The following MRPL1 variants were observed in gnomAD, a reference collection of about 807,000 sequenced individuals.
MRPL1 encodes mitochondrial ribosomal protein L1.
A neutral mutation model predicts 38.0 loss-of-function variants in MRPL1; 28 were observed. That is an observed-to-expected ratio of 0.74 (90% CI 0.55 to 1.01). The LOEUF (loss-of-function observed/expected upper bound fraction) is 1.01. Ranked by LOEUF, MRPL1 falls within the 50% of genes least tolerant of loss-of-function variation. The pLI is 0.00. For synonymous variants in MRPL1, 123 were observed against 126.7 expected (o/e 0.97, Z 0.20); for missense variants, 358 against 389.8 (o/e 0.92, Z 0.69).
rs773138973 is a variant in MRPL1 at position 77,949,799 on chromosome 4, G to A, written c.780G>A (p.Leu260=). The A allele has an allele frequency of 1.5e-4, 235 of 1,590,854 alleles. No individual in the cohort carries two copies. Among genetic ancestry groups the A allele is most frequent in the Non-Finnish European group, 2.0e-4 (228 of 1,161,458 alleles). The stretch of plus-strand genomic sequence containing the variant: ...TTATGTATATTATTTTCTTTCAGTT[G>A]GATATGTCAAGTGACCAGATAGCTG... The part of the protein sequence containing the change: ...ENFLQTKIAT[L]DMSSDQIAAN... Residue 260 remains leucine, a splice_region_variant and synonymous_variant, in exon 8 of 9, where the codon TTG becomes TTA. Coordinates refer to ENST00000315567, the MANE Select transcript of MRPL1 (RefSeq NM_020236.4).
At chr4:77,911,763 C>T (rs1354273313) in intron 7 of MRPL1, among the ~76,000 whole-genome samples, 1 of 152,108 alleles carries the variant, frequency 6.6e-6, no homozygotes, top group East Asian at 1.9e-4. Flanking sequence ...CTAAAACAGT[C>T]AGCATTATTT....
chr4:77,898,988 G>GTT (rs1560465396), intron 6 of MRPL1, among the ~76,000 whole-genome samples: 1 of 140,574 alleles, frequency 7.1e-6, no homozygotes, highest in African/African-American at 2.7e-5. Context: ...CTTATGCACA[G>GTT]ATTTTTTTTT....
chr4:77,925,400 G>A (rs1736692843), intron 7 of MRPL1, among the ~76,000 whole-genome samples: 1 of 149,060 alleles, frequency 6.7e-6, no homozygotes, highest in Non-Finnish European at 1.5e-5. Context: ...CACCCAGTCT[G>A]GAGTGCAGTG....
chr4:77,901,795 A>C (rs1438083458), intron 6 of MRPL1, among the ~76,000 whole-genome samples: 1 of 152,228 alleles, frequency 6.6e-6, no homozygotes, highest in Non-Finnish European at 1.5e-5. Context: ...CTGATAGAAC[A>C]TATAGACAGA....
intron 4 of MRPL1, 70 bp downstream of exon 4, chr4:77,885,409 C>T (rs1392939960): frequency 1.6e-6 from 2 of 1,246,946 alleles, no homozygotes; most frequent in East Asian, 2.4e-5. Context: ...ACTCTGTCAC[C>T]AGTCTGGAGT....
At chr4:77,945,480 T>G (rs1290382468) in intron 7 of MRPL1, among the ~76,000 whole-genome samples, 6 of 151,434 alleles carry the variant, frequency 4.0e-5, no homozygotes, top group Non-Finnish European at 8.8e-5. Context: ...ATGTGATTGT[T>G]TAAAAATCAT....
intron 7 of MRPL1, among the ~76,000 whole-genome samples, chr4:77,933,094 C>T (rs779904984): frequency 4.2e-4 from 64 of 152,220 alleles, no homozygotes; most frequent in Admixed American, 6.5e-4. Context: ...GGACTACATG[C>T]GCTCCACACG....
chr4:77,930,817 C>T (rs1171757191), intron 7 of MRPL1, among the ~76,000 whole-genome samples: 1 of 152,192 alleles, frequency 6.6e-6, no homozygotes, highest in African/African-American at 2.4e-5. Flanking sequence ...CCACTTCCCT[C>T]TGCACCTCTT....
At chr4:77,887,583 T>C (rs187152449) in intron 5 of MRPL1, among the ~76,000 whole-genome samples, 20 of 152,248 alleles carry the variant, frequency 1.3e-4, no homozygotes, top group Non-Finnish European at 2.5e-4. Flanking sequence ...TAGAAGATGG[T>C]GGTGCAATTA....
At chr4:77,889,395 G>A (rs976120479) in intron 5 of MRPL1, among the ~76,000 whole-genome samples, 33 of 152,246 alleles carry the variant, frequency 2.2e-4, no homozygotes, top group African/African-American at 6.5e-4. Context: ...GGTACATAAC[G>A]AAATGAAGGC....
intron 7 of MRPL1, among the ~76,000 whole-genome samples, chr4:77,923,974 C>T (rs1431469524): frequency 6.8e-6 from 1 of 146,280 alleles, no homozygotes; most frequent in Non-Finnish European, 1.5e-5. Context: ...GTGCTCTAGC[C>T]TGGGAGACAG....
chr4:77,863,445 C>G (rs1310557275), intron 1 of MRPL1, among the ~76,000 whole-genome samples: 1 of 142,896 alleles, frequency 7.0e-6, no homozygotes, highest in Non-Finnish European at 1.5e-5. Context: ...CGATGACAGC[C>G]CTTTCTTGTG....
At chr4:77,937,980 GCTTT>G (rs908991159) in intron 7 of MRPL1, among the ~76,000 whole-genome samples, 1 of 151,758 alleles carries the variant, frequency 6.6e-6, no homozygotes. Context: ...ATCCAACAAA[GCTTT>G]CTTTAAAAAA....
chr4:77,933,532 T>C (rs1248053657), intron 7 of MRPL1, among the ~76,000 whole-genome samples: 1 of 152,040 alleles, frequency 6.6e-6, no homozygotes, highest in African/African-American at 2.4e-5. Flanking sequence ...TAAATGGAGA[T>C]GACAGAAGAG....
intron 1 of MRPL1, among the ~76,000 whole-genome samples, chr4:77,868,317 C>G (rs181782288): frequency 7.6e-4 from 116 of 152,252 alleles, no homozygotes; most frequent in Non-Finnish European, 1.6e-3. Flanking sequence ...TCTTGGCTCA[C>G]TGCAACCTCT....
chr4:77,941,211 T>C (rs7686554), intron 7 of MRPL1, among the ~76,000 whole-genome samples: 1,942 of 150,306 alleles, frequency 0.013, 49 homozygotes, highest in African/African-American at 0.046. Context: ...GTTGCCATGA[T>C]CCAGGATCAC....
intron 1 of MRPL1, among the ~76,000 whole-genome samples, chr4:77,868,644 T>G (rs775738288): frequency 2.0e-5 from 3 of 152,258 alleles, no homozygotes; most frequent in Non-Finnish European, 2.9e-5. Flanking sequence ...CAGGGGAGAC[T>G]CTTCTGAAGA....
intron 7 of MRPL1, among the ~76,000 whole-genome samples, chr4:77,917,883 C>T (rs544716109): frequency 6.6e-6 from 1 of 151,966 alleles, no homozygotes; most frequent in African/African-American, 2.4e-5. Context: ...AGGTGAAATC[C>T]CTTCTCTACT....
At position 77,909,255 on chromosome 4, in the gene MRPL1, T is replaced by A. The variant is rs370591082; in HGVS notation, c.671-11T>A. On this transcript the variant is annotated splice_polypyrimidine_tract_variant and intron_variant, in intron 6 of 8. Transcript: ENST00000315567. ...GGAGTGATAATTGTGGATTTTACTTTTTCTAACTAGATTCCATTGGCCGTG... is the reference window on the plus strand; with the variant it reads ...GGAGTGATAATTGTGGATTTTACTTATTCTAACTAGATTCCATTGGCCGTG... The A allele has an allele frequency of 1.3e-6, 2 of 1,558,482 alleles. No individual in the cohort carries two copies. The highest frequency in any genetic ancestry group is 1.8e-6 in the Non-Finnish European group (2 of 1,133,400).
Sources: allele counts gnomAD v4.1 joint callset (sites outside exome capture counted in the v4.1 genomes callset), GRCh38; gene constraint gnomAD v4.1.1; transcripts MANE v1.5; gene names NCBI Gene and HGNC (gene_info 2026-07-23, HGNC 2026-07-21).